The following DLGAP1 variants were observed in gnomAD, a reference collection of about 807,000 sequenced individuals.
The protein encoded by DLGAP1 is disks large-associated protein 1.
A neutral mutation model predicts 90.8 loss-of-function variants in DLGAP1; 11 were observed. The observed-to-expected ratio is 0.12, with a 90% CI of 0.08 to 0.20. The LOEUF (loss-of-function observed/expected upper bound fraction) is 0.20. Among genes scored for constraint, DLGAP1 ranks in the 10% least tolerant of loss-of-function variants. DLGAP1 has a pLI of 1.00. For synonymous variants in DLGAP1, 558 were observed against 540.7 expected (o/e 1.03, Z -0.44); for missense variants, 1,050 against 1,333.8 (o/e 0.79, Z 3.31).
chr18:4,318,085 G>C (rs534074448), intron 1 of DLGAP1, among the ~76,000 whole-genome samples: 1 of 152,228 alleles, frequency 6.6e-6, no homozygotes, highest in African/African-American at 2.4e-5. Context: ...AAAGTGCTGG[G>C]ACTACAGGCA....
intron 1 of DLGAP1, among the ~76,000 whole-genome samples, chr18:4,350,295 T>C (rs1466833396): frequency 2.0e-5 from 3 of 152,244 alleles, no homozygotes; most frequent in East Asian, 3.9e-4. Flanking sequence ...CTTTGAGATA[T>C]CTTAGCAAAA....
At chr18:4,446,475 A>AG (rs1307748326) in intron 1 of DLGAP1, among the ~76,000 whole-genome samples, 1 of 152,180 alleles carries the variant, frequency 6.6e-6, no homozygotes, top group African/African-American at 2.4e-5. Context: ...GAACTCATAC[A>AG]GTACAACCAC....
At chr18:4,339,861 T>C (rs1170880343) in intron 1 of DLGAP1, among the ~76,000 whole-genome samples, 1 of 152,178 alleles carries the variant, frequency 6.6e-6, no homozygotes, top group Admixed American at 6.5e-5. Context: ...TGCTTTGACA[T>C]AGGATATAAC....
chr18:3,625,336 C>T (rs949280628), intron 7 of DLGAP1, among the ~76,000 whole-genome samples: 11 of 152,100 alleles, frequency 7.2e-5, no homozygotes, highest in African/African-American at 2.7e-4. Flanking sequence ...TGTGTGTTTG[C>T]GGGGGCTGGG....
chr18:3,922,441 C>G (rs1007705506), intron 3 of DLGAP1, among the ~76,000 whole-genome samples: 4 of 152,130 alleles, frequency 2.6e-5, no homozygotes, highest in African/African-American at 9.7e-5. Context: ...GTATTACTCT[C>G]TAGGGATAAA....
intron 4 of DLGAP1, among the ~76,000 whole-genome samples, chr18:3,816,422 T>C (rs1016782557): frequency 1.3e-5 from 2 of 152,196 alleles, no homozygotes; most frequent in African/African-American, 4.8e-5. Context: ...AATTCTTTCC[T>C]TTTTAATTGT....
intron 1 of DLGAP1, among the ~76,000 whole-genome samples, chr18:4,202,307 T>C (rs980241376): frequency 1.3e-5 from 2 of 152,076 alleles, no homozygotes; most frequent in Admixed American, 1.3e-4. Context: ...AAACTATGGG[T>C]ACAAAGAGGA....
intron 7 of DLGAP1, among the ~76,000 whole-genome samples, chr18:3,586,019 G>T (rs2055861901): frequency 6.6e-6 from 1 of 152,178 alleles, no homozygotes; most frequent in Non-Finnish European, 1.5e-5. Flanking sequence ...CCTGGTGGCT[G>T]TTGTCAGCTC....
chr18:3,835,555 A>G lies in DLGAP1; in HGVS notation c.958-21282T>C, dbSNP rs555421217. Among the ~76,000 whole-genome samples, 6 of 151,644 alleles carry G rather than the reference A, an allele frequency of 4.0e-5. No homozygotes were observed. In the South Asian group the frequency reaches 1.3e-3, roughly 32 times the overall value. On this transcript the variant is annotated intron_variant, in intron 4 of 12. Transcript: ENST00000315677. The stretch of plus-strand genomic sequence containing the variant: ...TTCCAGCTACTTGGGAGGCTGAGGC[A>G]GGAGAATCGCTTGAATCTGGGAAGT...
At chr18:3,630,099 G>C (rs1350404631) in intron 7 of DLGAP1, among the ~76,000 whole-genome samples, 1 of 152,158 alleles carries the variant, frequency 6.6e-6, no homozygotes, top group Non-Finnish European at 1.5e-5. Flanking sequence ...ATATTATTCT[G>C]TGTGTGTCTG....
intron 2 of DLGAP1, among the ~76,000 whole-genome samples, chr18:4,070,382 G>C (rs533807066): frequency 3.3e-5 from 5 of 151,864 alleles, no homozygotes; most frequent in Non-Finnish European, 7.4e-5. Context: ...ATCAACCTCT[G>C]GATTCAGAGT....
intron 2 of DLGAP1, among the ~76,000 whole-genome samples, chr18:4,093,512 G>T (rs892073179): frequency 2.0e-5 from 3 of 151,962 alleles, no homozygotes; most frequent in Non-Finnish European, 4.4e-5. Flanking sequence ...TCCTCATTTG[G>T]ACAAGAAGGT....
intron 3 of DLGAP1, among the ~76,000 whole-genome samples, chr18:3,923,101 T>C (rs916488870): frequency 7.7e-6 from 1 of 130,532 alleles, no homozygotes; most frequent in African/African-American, 2.8e-5. Context: ...ACCACTGCAT[T>C]CCAGCCTGGG....
intron 1 of DLGAP1, among the ~76,000 whole-genome samples, chr18:4,185,781 T>C (rs1448806904): frequency 6.6e-6 from 1 of 152,168 alleles, no homozygotes; most frequent in East Asian, 1.9e-4. Flanking sequence ...GAACGATTTG[T>C]ATTCCATTGG....
chr18:4,345,915 T>TGAGA (rs2081294863), intron 1 of DLGAP1, among the ~76,000 whole-genome samples: 1 of 152,214 alleles, frequency 6.6e-6, no homozygotes, highest in Admixed American at 6.5e-5. Flanking sequence ...ACAAGTGAAG[T>TGAGA]CTGCTTTGCA....
chr18:3,631,306 G>A (rs933531807), intron 7 of DLGAP1, among the ~76,000 whole-genome samples: 4 of 151,962 alleles, frequency 2.6e-5, no homozygotes, highest in Non-Finnish European at 5.9e-5. Context: ...ATGACTTTAG[G>A]AGTTAGTCTA....
At chr18:4,167,283 G>A (rs925411375) in intron 1 of DLGAP1, among the ~76,000 whole-genome samples, 2 of 152,076 alleles carry the variant, frequency 1.3e-5, no homozygotes, top group African/African-American at 4.8e-5. Context: ...ACTATATGCT[G>A]TTTGGAGGAG....
chr18:4,203,898 C>T, intron 1 of DLGAP1, among the ~76,000 whole-genome samples: 1 of 152,166 alleles, frequency 6.6e-6, no homozygotes, highest in East Asian at 1.9e-4. Context: ...CCGAGGAGGT[C>T]AGAAAGAACT....
intron 1 of DLGAP1, among the ~76,000 whole-genome samples, chr18:4,367,351 G>A (rs2081798755): frequency 6.6e-6 from 1 of 151,956 alleles, no homozygotes; most frequent in African/African-American, 2.4e-5. Context: ...GTTCAAAGAT[G>A]TATCCATTAT....
Sources: gnomAD v4.1 joint callset for allele counts (sites outside exome capture counted in the v4.1 genomes callset) on GRCh38, gnomAD v4.1.1 for gene constraint, MANE v1.5 for transcripts, NCBI Gene and HGNC (gene_info 2026-07-23, HGNC 2026-07-21) for gene names.